The following GLTP variants were observed in gnomAD, a reference collection of about 807,000 sequenced individuals.
GLTP encodes glycolipid transfer protein.
In GLTP, 22 loss-of-function variants were observed where a neutral mutation model predicts 24.0. The ratio of observed to expected loss-of-function variants is 0.92; its 90% CI spans 0.65 to 1.31. The LOEUF (loss-of-function observed/expected upper bound fraction) is 1.31, where lower values mean the gene tolerates loss of function less well. Among genes scored for constraint, GLTP ranks in the 50% most tolerant of loss-of-function variants. GLTP has a pLI of 0.00. For missense variants in GLTP, 224 were observed against 276.6 expected (o/e 0.81, Z 1.35); for synonymous variants, 92 against 115.9 (o/e 0.79, Z 1.33).
At chr12:109,854,986 G>A (rs892194398) in intron 4 of GLTP, among the ~76,000 whole-genome samples, 1 of 152,246 alleles carries the variant, frequency 6.6e-6, no homozygotes, top group Non-Finnish European at 1.5e-5. Context: ...GGCCAGAACA[G>A]GCCGGGCAGG....
Position 109,851,938 on chromosome 12 carries a change from C to G in GLTP, c.*617G>C, listed in dbSNP as rs1174386235. The G allele has an allele frequency of 1.3e-5, 2 of 152,198 alleles. No homozygotes were observed. The highest frequency in any genetic ancestry group is 4.8e-5 in the African/African-American group (2 of 41,364). The allele number at this position is 152,198 out of a possible 1,614,324, so 9.4% of individuals were successfully genotyped here. On this transcript the variant is annotated 3_prime_UTR_variant, in exon 5 of 5. Transcript: ENST00000318348. The stretch of plus-strand genomic sequence containing the variant: ...TCTCAGCTCACTGCAACCTCCACCT[C>G]CCGGGTTCAAGCGATTCTCCTGCCT...
At chr12:109,873,431 A>C (rs545130661) in intron 1 of GLTP, among the ~76,000 whole-genome samples, 2 of 152,156 alleles carry the variant, frequency 1.3e-5, no homozygotes, top group South Asian at 4.2e-4. Flanking sequence ...TCAGGAGTTC[A>C]AGACCAGCCT....
chr12:109,859,307 G>C (rs1024127734), intron 1 of GLTP, among the ~76,000 whole-genome samples: 1 of 152,208 alleles, frequency 6.6e-6, no homozygotes, highest in African/African-American at 2.4e-5. Context: ...ATCACTTGAA[G>C]TCAGGAGTTC....
At chr12:109,873,488 G>T (rs1228902004) in intron 1 of GLTP, among the ~76,000 whole-genome samples, 1 of 152,052 alleles carries the variant, frequency 6.6e-6, no homozygotes, top group Non-Finnish European at 1.5e-5. Context: ...CAAAAAATTA[G>T]CCGGGCATGG....
At chr12:109,864,393 A>G (rs1565898821) in intron 1 of GLTP, among the ~76,000 whole-genome samples, 1 of 152,206 alleles carries the variant, frequency 6.6e-6, no homozygotes, top group Non-Finnish European at 1.5e-5. Context: ...TGGCATCCAC[A>G]GTCCTGGGTT....
chr12:109,873,210 A>G (rs1350089644), intron 1 of GLTP, among the ~76,000 whole-genome samples: 1 of 151,952 alleles, frequency 6.6e-6, no homozygotes, highest in Non-Finnish European at 1.5e-5. Context: ...AGCAGAAAAT[A>G]TTGTAAGGCT....
chr12:109,861,223 A>G (rs1868359302), intron 1 of GLTP, among the ~76,000 whole-genome samples: 1 of 152,142 alleles, frequency 6.6e-6, no homozygotes, highest in African/African-American at 2.4e-5. Flanking sequence ...GGAACATTCT[A>G]ATTGCAGCTA....
chr12:109,875,651 G>A (rs1277740784), intron 1 of GLTP, among the ~76,000 whole-genome samples: 1 of 152,234 alleles, frequency 6.6e-6, no homozygotes, highest in Non-Finnish European at 1.5e-5. Context: ...GGTAGAGAGA[G>A]AAGATAAACA....
chr12:109,857,953 T>G lies in GLTP; in HGVS notation c.163-294A>C. 4.4e-6 allele frequency: 2 copies of G among 454,028 alleles called. No homozygotes were observed. Among genetic ancestry groups the G allele is most frequent in the Middle Eastern group, 8.7e-4 (2 of 2,306 alleles). 28.1% of individuals were successfully genotyped at this position (454,028 alleles called of 1,614,324 possible). On this transcript the variant is annotated intron_variant, in intron 2 of 4. Coordinates refer to ENST00000318348, the MANE Select transcript of GLTP (RefSeq NM_016433.4). The surrounding 1 kb of genome is among the most constrained non-coding windows in gnomAD (Gnocchi z 4.3). ...CAGAGGAGCACGGACTTGCCCAAGG[T>G]CACACAGTTGGTACAGAGTTCATGT...
At chr12:109,862,921 G>A (rs1259642758) in intron 1 of GLTP, among the ~76,000 whole-genome samples, 5 of 151,998 alleles carry the variant, frequency 3.3e-5, no homozygotes, top group South Asian at 2.1e-4. Flanking sequence ...GTGTGGTGGT[G>A]CATGTCTGTA....
intron 1 of GLTP, among the ~76,000 whole-genome samples, chr12:109,879,499 G>C (rs780707805): frequency 6.6e-6 from 1 of 152,148 alleles, no homozygotes; most frequent in Non-Finnish European, 1.5e-5. Context: ...ACATACAGGG[G>C]AGGGGCTTCC....
In GLTP at chr12:109,855,703, G is replaced by A. The variant is rs148094807; in HGVS notation, c.363C>T (p.Pro121=). Reference sequence around the variant, plus strand: ...TGGTGGCGTTGACACGGATGAGGTTGGGGTGGTTCTCGTCCCGCTCCCCGT... The same window carrying A: ...TGGTGGCGTTGACACGGATGAGGTTAGGGTGGTTCTCGTCCCGCTCCCCGT... ...ICDGERDENH[P]NLIRVNATKA... The change falls in exon 4 of 5, where the codon CCC becomes CCT. Residue 121 remains proline (P), a synonymous_variant. Coordinates refer to ENST00000318348, the MANE Select transcript of GLTP (RefSeq NM_016433.4). The surrounding 1 kb of genome is among the most constrained non-coding windows in gnomAD (Gnocchi z 4.1). The A allele has an allele frequency of 1.9e-6, 3 of 1,609,846 alleles. No homozygotes were observed. Among genetic ancestry groups the A allele is most frequent in the Middle Eastern group, 3.3e-4 (2 of 6,062 alleles).
At chr12:109,879,692 C>A (rs563207212) in intron 1 of GLTP, among the ~76,000 whole-genome samples, 1 of 152,284 alleles carries the variant, frequency 6.6e-6, no homozygotes, top group African/African-American at 2.4e-5. Context: ...CTCTCCTTGT[C>A]CCCGCCTCAC....
At position 109,880,421 on chromosome 12, in the gene GLTP, T is replaced by C. The variant is rs1869044470; in HGVS notation, c.-47A>G. On this transcript the variant is annotated 5_prime_UTR_variant, in exon 1 of 5. Transcript: ENST00000318348. The surrounding 1 kb of genome is among the most constrained non-coding windows in gnomAD (Gnocchi z 5.1). ...GATGCCCCAGCCGGCGCCGCGGGCG[T>C]CGACACCGCCCCCCCGGCCGCCGCC... 13 of 709,358 alleles carry C rather than the reference T, an allele frequency of 1.8e-5. No individual in the cohort carries two copies. The highest frequency in any genetic ancestry group is 2.0e-5 in the Non-Finnish European group (10 of 510,476). The allele number at this position is 709,358 out of a possible 1,614,324, so 43.9% of individuals were successfully genotyped here.
At chr12:109,865,482 G>C (rs565834015) in intron 1 of GLTP, among the ~76,000 whole-genome samples, 1 of 152,070 alleles carries the variant, frequency 6.6e-6, no homozygotes, top group Non-Finnish European at 1.5e-5. Context: ...ACAAAAATTA[G>C]CTGGGCATAA....
intron 1 of GLTP, among the ~76,000 whole-genome samples, chr12:109,865,360 C>T (rs571632020): frequency 6.6e-6 from 1 of 152,230 alleles, no homozygotes; most frequent in Non-Finnish European, 1.5e-5. Context: ...AGCATGGTGG[C>T]TCACGCCTGT....
chr12:109,875,723 TAAG>T (rs1422382449), intron 1 of GLTP, among the ~76,000 whole-genome samples: 4 of 152,192 alleles, frequency 2.6e-5, no homozygotes, highest in Middle Eastern at 3.4e-3. Flanking sequence ...CAATTGGAGA[TAAG>T]GAGGAAGGGC....
intron 3 of GLTP, among the ~76,000 whole-genome samples, chr12:109,856,654 G>A (rs1212815497): frequency 1.3e-5 from 2 of 152,184 alleles, no homozygotes; most frequent in African/African-American, 4.8e-5. Flanking sequence ...TCAAGTCAGG[G>A]TGGGGTGCTC....
chr12:109,862,292 G>T, intron 1 of GLTP, among the ~76,000 whole-genome samples: 1 of 152,236 alleles, frequency 6.6e-6, no homozygotes, highest in East Asian at 1.9e-4. Context: ...CCTCCGCTGC[G>T]TGTAGAGGCC....
Sources: gnomAD v4.1 joint callset for allele counts (sites outside exome capture counted in the v4.1 genomes callset) on GRCh38, gnomAD v4.1.1 for gene constraint, Gnocchi (gnomAD v3.1) non-coding constraint, MANE v1.5 for transcripts, NCBI Gene and HGNC (gene_info 2026-07-23, HGNC 2026-07-21) for gene names.